CDK15: variants seen among roughly 807,000 people sequenced by gnomAD.
CDK15 encodes the protein cyclin-dependent kinase 15.
A neutral mutation model predicts 60.3 loss-of-function variants in CDK15; 62 were observed. That is an observed-to-expected ratio of 1.03 (90% CI 0.84 to 1.27). CDK15 has a LOEUF of 1.27. Among genes scored for constraint, CDK15 ranks in the 50% most tolerant of loss-of-function variants. CDK15 has a pLI of 0.00. For synonymous variants in CDK15, 194 were observed against 195.7 expected, an observed-to-expected ratio of 0.99 and a Z score of 0.07; for missense variants, 541 against 527.8, an observed-to-expected ratio of 1.03 and a Z score of -0.25.
intron 12 of CDK15, among the ~76,000 whole-genome samples, chr2:201,887,551 T>G (rs1251713058): frequency 6.6e-6 from 1 of 152,222 alleles, no homozygotes; most frequent in Non-Finnish European, 1.5e-5. Context: ...AAACCTCAGT[T>G]TCTCCATCTG....
intron 12 of CDK15, among the ~76,000 whole-genome samples, chr2:201,888,057 T>C (rs1699521940): frequency 6.7e-6 from 1 of 148,474 alleles, no homozygotes; most frequent in Non-Finnish European, 1.5e-5. Context: ...TTTTTGCTTG[T>C]GCTTTCTCTT....
chr2:201,818,629 G>A (rs943404191), intron 4 of CDK15, among the ~76,000 whole-genome samples: 2 of 152,198 alleles, frequency 1.3e-5, no homozygotes, highest in Non-Finnish European at 1.5e-5. Context: ...AAACAATACT[G>A]TGAGATAAAT....
chr2:201,816,455 G>GTTTTTTTT lies in CDK15; in HGVS notation c.448+3910_448+3917dup, dbSNP rs55930032. Among the ~76,000 whole-genome samples the GTTTTTTTT allele has an allele frequency of 2.4e-3, 194 of 79,830 alleles. 3 individuals carry two copies. Among genetic ancestry groups the GTTTTTTTT allele is most frequent in the African/African-American group, 5.0e-3 (98 of 19,632 alleles). 52.4% of individuals were successfully genotyped at this position (79,830 alleles called of 152,430 possible). A position where few individuals can be genotyped will look rare whatever the true frequency, so the allele number is the denominator to read the frequency against. On this transcript the variant is annotated intron_variant, in intron 4 of 13. Coordinates refer to ENST00000652192, the MANE Select transcript of CDK15 (RefSeq NM_001366386.2). Reference sequence around the variant, plus strand: ...CATCCATGTTGCTGCTAAGGAAATGGTTTTTTTTTTTTTTTTTTTTTTTTG... The same window carrying GTTTTTTTT: ...CATCCATGTTGCTGCTAAGGAAATGGTTTTTTTTTTTTTTTTTTTTTTTTTTTTTTTTG...
chr2:201,873,647 G>A (rs1698949041), intron 11 of CDK15, among the ~76,000 whole-genome samples: 1 of 152,158 alleles, frequency 6.6e-6, no homozygotes, highest in South Asian at 2.1e-4. Context: ...TACCTCTCTG[G>A]CTTTTCTGAC....
At chr2:201,860,617 C>A in intron 10 of CDK15, 1 of 1,016,900 alleles carries the variant, frequency 9.8e-7, no homozygotes, top group Non-Finnish European at 1.3e-6. Context: ...TAATGAAAAT[C>A]AAAAGGCAGG....
intron 10 of CDK15, among the ~76,000 whole-genome samples, chr2:201,866,308 G>C (rs1244803018): frequency 1.3e-5 from 2 of 152,082 alleles, no homozygotes; most frequent in Non-Finnish European, 2.9e-5. Context: ...ACTCAGAATG[G>C]TGCAGTGATG....
Position 201,869,044 on chromosome 2 carries a change from A to G in CDK15, c.1010-3234A>G, listed in dbSNP as rs573037885. Among the ~76,000 whole-genome samples the G allele has an allele frequency of 2.0e-5, 3 of 152,326 alleles. No individual in the cohort carries two copies. In the South Asian group the frequency reaches 6.2e-4, roughly 32 times the overall value. On this transcript the variant is annotated intron_variant, in intron 10 of 13. Coordinates refer to ENST00000652192, the MANE Select transcript of CDK15 (RefSeq NM_001366386.2). The stretch of plus-strand genomic sequence containing the variant: ...CCATTACTGGGCATATACCCAAAGG[A>G]TTATAAATCATGCTACTATAAAGAC...
intron 9 of CDK15, among the ~76,000 whole-genome samples, chr2:201,850,744 C>T (rs1697871937): frequency 6.6e-6 from 1 of 152,200 alleles, no homozygotes; most frequent in Admixed American, 6.5e-5. Flanking sequence ...GTGCTATTTG[C>T]ATGCCCACCA....
intron 10 of CDK15, chr2:201,861,100 C>T (rs1257966531): frequency 2.4e-5 from 25 of 1,063,718 alleles, no homozygotes; most frequent in Non-Finnish European, 2.6e-5. Flanking sequence ...GCTTTAACTG[C>T]AGGCATCAAT....
chr2:201,860,731 T>C, intron 10 of CDK15: 1 of 1,352,158 alleles, frequency 7.4e-7, no homozygotes. Context: ...TATCAACTTC[T>C]GACCACCAGG....
intron 3 of CDK15, chr2:201,808,573 C>G (rs1242427738): frequency 7.0e-6 from 1 of 143,808 alleles, no homozygotes; most frequent in Non-Finnish European, 1.5e-5. Flanking sequence ...CATGAATTCC[C>G]CTTTTAGTCA....
chr2:201,881,568 A>G (rs148508810), intron 12 of CDK15, among the ~76,000 whole-genome samples: 107 of 152,332 alleles, frequency 7.0e-4, no homozygotes, highest in Non-Finnish European at 1.2e-3. Context: ...GCAGATGTGC[A>G]GAGACTATGT....
At position 201,835,652 on chromosome 2, in the gene CDK15, G is replaced by C. The variant is rs142416956; in HGVS notation, c.740G>C (p.Arg247Pro). The change falls in exon 8 of 14, where the codon CGG (arginine) becomes CCG (proline). Residue 247 changes from arginine (R) to proline (P), a missense_variant. Arg to Pro is a moderately radical substitution (Grantham distance 103, BLOSUM62 -2). Transcript: ENST00000652192. ...ELKLADFGLA[R>P]AKSIPSQTYS... ...TTTCCCTTTTGGACAGGTCTTGCCC[G>C]GGCCAAGTCCATTCCCAGCCAGACA... 14 of 1,605,804 alleles carry C rather than the reference G, an allele frequency of 8.7e-6. No homozygotes were observed. The highest frequency in any genetic ancestry group is 5.0e-5 in the Admixed American group (3 of 59,798).
rs970136388 is a variant in CDK15, at chr2:201,876,660, A to G, written c.1059-3368A>G. 11 of 964,950 alleles carry G rather than the reference A, an allele frequency of 1.1e-5. No individual in the cohort carries two copies. The Admixed American group carries it at 1.4e-4, about 13-fold the overall frequency. The allele number at this position is 964,950 out of a possible 1,614,324, so 59.8% of individuals were successfully genotyped here. Reference sequence around the variant, plus strand: ...GTCCAGAAACCACCAGAAGCCCTGAAACAACCCTGTGGGGAGGGTGAGGGT... The same window carrying G: ...GTCCAGAAACCACCAGAAGCCCTGAGACAACCCTGTGGGGAGGGTGAGGGT... On this transcript the variant is annotated intron_variant, in intron 11 of 13. Coordinates refer to ENST00000652192, the MANE Select transcript of CDK15 (RefSeq NM_001366386.2).
chr2:201,858,423 T>A (rs1044859729), intron 10 of CDK15, among the ~76,000 whole-genome samples: 4 of 144,102 alleles, frequency 2.8e-5, no homozygotes, highest in Admixed American at 2.8e-4. Flanking sequence ...TTTCCTTCCT[T>A]CTCTCTTTCA....
rs1291990914 is a variant in CDK15, at chr2:201,857,157, C to T, written c.1009+2220C>T. Among the ~76,000 whole-genome samples the T allele has an allele frequency of 7.4e-5, 6 of 80,772 alleles. 2 individuals carry two copies. The highest frequency in any genetic ancestry group is 1.2e-4 in the Admixed American group (1 of 8,088). The allele number at this position is 80,772 out of a possible 152,430, so 53.0% of individuals were successfully genotyped here. ...AGGAGAATGGCGTGAACCCGGGAAG[C>T]GGAGCTTGCAGTGAGCCGAGATTGC... On this transcript the variant is annotated intron_variant, in intron 10 of 13. Transcript: ENST00000652192.
At chr2:201,859,178 T>C (rs993967240) in intron 10 of CDK15, among the ~76,000 whole-genome samples, 1 of 152,158 alleles carries the variant, frequency 6.6e-6, no homozygotes, top group African/African-American at 2.4e-5. Flanking sequence ...GAGAGGATTC[T>C]GCTATCAGAA....
chr2:201,855,572 C>T (rs565126620), intron 10 of CDK15, among the ~76,000 whole-genome samples: 1 of 152,294 alleles, frequency 6.6e-6, no homozygotes, highest in African/African-American at 2.4e-5. Flanking sequence ...GCAGTAGTCA[C>T]TTCAAGGATG....
chr2:201,833,710 CTTCTTCT>C, intron 6 of CDK15, 131 bp from the exon 7 acceptor site: 1 of 617,476 alleles, frequency 1.6e-6, no homozygotes, highest in Non-Finnish European at 2.4e-6. Context: ...TCTTCTTCTT[CTTCTTCT>C]TTTTTTTTTT....
Sources: gnomAD v4.1 joint callset for allele counts (sites outside exome capture counted in the v4.1 genomes callset) on GRCh38, gnomAD v4.1.1 for gene constraint, MANE v1.5 for transcripts, NCBI Gene and HGNC (gene_info 2026-07-23, HGNC 2026-07-21) for gene names.